The following EYA2 variants were observed in gnomAD, a reference collection of about 807,000 sequenced individuals.
EYA2 encodes protein phosphatase EYA2.
A neutral mutation model predicts 69.2 loss-of-function variants in EYA2; 31 were observed. The ratio of observed to expected loss-of-function variants is 0.45; its 90% CI spans 0.34 to 0.60. EYA2 has a LOEUF of 0.60. Among genes scored for constraint, EYA2 ranks in the 20% least tolerant of loss-of-function variants. The probability of loss-of-function intolerance (pLI) is 0.02; values close to 1 mark genes in which losing one functional copy is unlikely to be tolerated. For synonymous variants in EYA2, 257 were observed against 279.4 expected (o/e 0.92, Z 0.80); for missense variants, 622 against 701.2 (o/e 0.89, Z 1.28).
In EYA2 at chr20:47,173,385, G is replaced by T. The variant is rs181024487; in HGVS notation, c.1198+518G>T. Among the ~76,000 whole-genome samples the T allele has an allele frequency of 4.7e-3, 720 of 151,618 alleles. 7 individuals carry two copies. Among genetic ancestry groups the T allele is most frequent in the African/African-American group, 0.016 (660 of 41,284 alleles). ...GTCTTTGCATCTCAGATTGTTGTCC[G>T]CAGACCAACCACATCAGCATCCCCC... is the stretch of plus-strand genomic sequence containing the variant. On this transcript the variant is annotated intron_variant, in intron 12 of 15. Coordinates refer to ENST00000327619, the MANE Select transcript of EYA2 (RefSeq NM_005244.5).
intron 9 of EYA2, among the ~76,000 whole-genome samples, chr20:47,105,590 A>C (rs1050379985): frequency 3.5e-5 from 5 of 142,600 alleles, no homozygotes; most frequent in Admixed American, 7.4e-5. Context: ...ACGCCACTGA[A>C]CTCCAGCCTG....
At chr20:47,178,817 G>A (rs111854790) in intron 12 of EYA2, among the ~76,000 whole-genome samples, 1,794 of 97,584 alleles carry the variant, frequency 0.018, 50 homozygotes, top group East Asian at 0.16. Flanking sequence ...GGGTGGATGG[G>A]TGGGTGGGTG....
intron 1 of EYA2, among the ~76,000 whole-genome samples, chr20:46,966,385 C>G (rs1979782830): frequency 6.6e-6 from 1 of 152,200 alleles, no homozygotes; most frequent in Non-Finnish European, 1.5e-5. Flanking sequence ...AACAATCTAG[C>G]TACAGCCTCT....
At chr20:47,178,425 G>A (rs2034466073) in intron 12 of EYA2, among the ~76,000 whole-genome samples, 1 of 151,938 alleles carries the variant, frequency 6.6e-6, no homozygotes, top group South Asian at 2.1e-4. Context: ...AGTGGTCCAT[G>A]TTCTGAAATG....
chr20:47,134,414 A>G (rs1397289898), intron 9 of EYA2, among the ~76,000 whole-genome samples: 3 of 152,266 alleles, frequency 2.0e-5, no homozygotes, highest in Non-Finnish European at 1.5e-5. Context: ...TAGTAACAGT[A>G]ATAGCAATAT....
intron 1 of EYA2, among the ~76,000 whole-genome samples, chr20:46,911,857 T>C (rs1445541592): frequency 6.6e-6 from 1 of 151,964 alleles, no homozygotes; most frequent in Non-Finnish European, 1.5e-5. Context: ...GAAAGAAAAG[T>C]TCTAGTGTTC....
intron 9 of EYA2, among the ~76,000 whole-genome samples, chr20:47,137,154 C>T (rs752710683): frequency 1.3e-4 from 20 of 152,064 alleles, no homozygotes; most frequent in Non-Finnish European, 2.5e-4. Flanking sequence ...TTAAAGTAAT[C>T]CACTTATGCT....
chr20:47,071,268 A>G (rs112987711), intron 5 of EYA2, among the ~76,000 whole-genome samples: 1 of 152,118 alleles, frequency 6.6e-6, no homozygotes, highest in East Asian at 1.9e-4. Context: ...TCAGCCTCCC[A>G]AAGTGCTGGG....
At chr20:47,000,521 A>T (rs1982297397) in intron 2 of EYA2, among the ~76,000 whole-genome samples, 1 of 152,324 alleles carries the variant, frequency 6.6e-6, no homozygotes, top group Admixed American at 6.5e-5. Flanking sequence ...CGCTGTTCCC[A>T]TCAGTAGACA....
chr20:47,071,005 C>T (rs1226701382), intron 5 of EYA2, among the ~76,000 whole-genome samples: 1 of 151,510 alleles, frequency 6.6e-6, no homozygotes, highest in Non-Finnish European at 1.5e-5. Context: ...TGCGCCACCA[C>T]ACCTGGAATT....
At chr20:47,105,623 C>CAAA (rs200777978) in intron 9 of EYA2, among the ~76,000 whole-genome samples, 1 of 128,970 alleles carries the variant, frequency 7.8e-6, no homozygotes, top group African/African-American at 2.9e-5. Context: ...AGACTCTGTC[C>CAAA]CAAAAAAAAA....
intron 9 of EYA2, among the ~76,000 whole-genome samples, chr20:47,105,624 CAAA>C (rs3085517): frequency 5.3e-5 from 7 of 131,234 alleles, no homozygotes; most frequent in Admixed American, 7.8e-5. Context: ...GACTCTGTCC[CAAA>C]AAAAAAAAAA....
chr20:47,085,225 T>C (rs2031857151), intron 7 of EYA2, among the ~76,000 whole-genome samples: 1 of 152,062 alleles, frequency 6.6e-6, no homozygotes, highest in Admixed American at 6.6e-5. Context: ...TCTAGACCAA[T>C]GTGTGAATTA....
At chr20:47,171,882 C>T (rs75544248) in intron 11 of EYA2, among the ~76,000 whole-genome samples, 2 of 151,586 alleles carry the variant, frequency 1.3e-5, no homozygotes, top group Admixed American at 6.6e-5. Context: ...ACTTGAGGTC[C>T]GGAGTGCAAG....
At chr20:47,173,105 A>G (rs577665943) in intron 12 of EYA2, among the ~76,000 whole-genome samples, 1 of 152,204 alleles carries the variant, frequency 6.6e-6, no homozygotes, top group South Asian at 2.1e-4. Context: ...TCAGGCCACA[A>G]ATGGCGCGGG....
rs773684848 is a variant in EYA2 at position 47,166,392 on chromosome 20, C to CT, written c.979-2746dup. The stretch of plus-strand genomic sequence containing the variant: ...AGCTTGGGTGACAGAGCAAGACTGT[C>CT]TAAAAAAAAAAAAAAAAAAAAAAAA... On this transcript the variant is annotated intron_variant, in intron 10 of 15. Coordinates refer to ENST00000327619, the MANE Select transcript of EYA2 (RefSeq NM_005244.5). Among the ~76,000 whole-genome samples the CT allele has an allele frequency of 5.5e-4, 10 of 18,322 alleles. 1 individual carries two copies. The highest frequency in any genetic ancestry group is 3.9e-3 in the Admixed American group (3 of 770). 12.0% of individuals were successfully genotyped at this position (18,322 alleles called of 152,430 possible). A position where few individuals can be genotyped will look rare whatever the true frequency, so the allele number is the denominator to read the frequency against.
At chr20:47,126,249 A>C (rs150622226) in intron 9 of EYA2, among the ~76,000 whole-genome samples, 13 of 152,314 alleles carry the variant, frequency 8.5e-5, no homozygotes, top group African/African-American at 3.1e-4. Flanking sequence ...GCCCAGTGCA[A>C]ATGCTAGGTG....
intron 3 of EYA2, among the ~76,000 whole-genome samples, chr20:47,003,372 A>G (rs1388255988): frequency 1.3e-5 from 2 of 152,242 alleles, no homozygotes; most frequent in Non-Finnish European, 2.9e-5. Flanking sequence ...ATGAGAATTG[A>G]CTACCTTTAC....
chr20:47,055,912 A>G (rs1258161790), intron 5 of EYA2, among the ~76,000 whole-genome samples: 1 of 151,990 alleles, frequency 6.6e-6, no homozygotes, highest in East Asian at 1.9e-4. Flanking sequence ...ATGTGGACCG[A>G]CATGTGACAG....
Sources: allele counts gnomAD v4.1 joint callset (sites outside exome capture counted in the v4.1 genomes callset), GRCh38; gene constraint gnomAD v4.1.1; transcripts MANE v1.5; gene names NCBI Gene and HGNC (gene_info 2026-07-23, HGNC 2026-07-21).